KIF13B: variants seen among roughly 807,000 people sequenced by gnomAD.
The protein encoded by KIF13B is kinesin-like protein KIF13B.
KIF13B carries 127 observed loss-of-function variants against 222.0 expected under a neutral mutation model. The observed-to-expected ratio is 0.57, with a 90% CI of 0.50 to 0.66. KIF13B has a LOEUF of 0.66. KIF13B is among the 30% of genes least tolerant of loss of function. KIF13B has a pLI of 0.00. For missense variants in KIF13B, 2,173 were observed against 2,379.0 expected, an observed-to-expected ratio of 0.91 and a Z score of 1.80; for synonymous variants, 976 against 919.0, an observed-to-expected ratio of 1.06 and a Z score of -1.12.
At chr8:29,175,333 A>G (rs1352838438) in intron 10 of KIF13B, among the ~76,000 whole-genome samples, 1 of 152,090 alleles carries the variant, frequency 6.6e-6, no homozygotes, top group Admixed American at 6.5e-5. Flanking sequence ...TGTTATCACC[A>G]TCTCTGTCAT....
At chr8:29,257,909 G>C (rs1221682712) in intron 1 of KIF13B, among the ~76,000 whole-genome samples, 1 of 152,212 alleles carries the variant, frequency 6.6e-6, no homozygotes, top group Non-Finnish European at 1.5e-5. Context: ...TTCTCAAAAT[G>C]CCTCTGGCCC....
intron 8 of KIF13B, among the ~76,000 whole-genome samples, chr8:29,179,110 T>C (rs1812603086): frequency 1.3e-5 from 2 of 148,538 alleles, no homozygotes; most frequent in Admixed American, 7.0e-5. Context: ...CAAAAGAACC[T>C]CTGCTAAATC....
chr8:29,246,588 T>G (rs1392436632), intron 1 of KIF13B, among the ~76,000 whole-genome samples: 1 of 152,108 alleles, frequency 6.6e-6, no homozygotes, highest in Admixed American at 6.5e-5. Flanking sequence ...ACTAGCTTTT[T>G]TATAAAAACC....
chr8:29,079,349 A>G (rs1586747480), intron 37 of KIF13B, among the ~76,000 whole-genome samples: 1 of 152,266 alleles, frequency 6.6e-6, no homozygotes, highest in Non-Finnish European at 1.5e-5. Flanking sequence ...ATCCGCAGAC[A>G]CTCACACATG....
chr8:29,073,503 T>C (rs2133474596), intron 38 of KIF13B, among the ~76,000 whole-genome samples: 1 of 152,324 alleles, frequency 6.6e-6, no homozygotes, highest in Non-Finnish European at 1.5e-5. Flanking sequence ...ATCATCTTTC[T>C]ATTCCTATTC....
At chr8:29,193,169 C>A (rs372481363) in intron 3 of KIF13B, among the ~76,000 whole-genome samples, 123 of 152,310 alleles carry the variant, frequency 8.1e-4, no homozygotes, top group African/African-American at 2.7e-3. Context: ...TGAAAGCAGA[C>A]CCCCAGCGGC....
intron 10 of KIF13B, among the ~76,000 whole-genome samples, chr8:29,172,051 A>G (rs1812266047): frequency 7.1e-6 from 1 of 141,284 alleles, no homozygotes; most frequent in South Asian, 2.3e-4. Context: ...AGTGAGCCCC[A>G]TGCCCAGCCA....
intron 12 of KIF13B, among the ~76,000 whole-genome samples, chr8:29,161,674 C>T (rs1045205707): frequency 6.7e-6 from 1 of 149,396 alleles, no homozygotes; most frequent in African/African-American, 2.5e-5. Context: ...CCAGCCTGGG[C>T]GACAGAGAAA....
intron 2 of KIF13B, among the ~76,000 whole-genome samples, chr8:29,224,763 TACG>T (rs1416742617): frequency 6.6e-6 from 1 of 152,108 alleles, no homozygotes; most frequent in South Asian, 2.1e-4. Flanking sequence ...CTGGAGTGTG[TACG>T]CGTAATTAGG....
chr8:29,191,282 T>A (rs1000864609), intron 3 of KIF13B, among the ~76,000 whole-genome samples: 1 of 152,226 alleles, frequency 6.6e-6, no homozygotes, highest in Non-Finnish European at 1.5e-5. Context: ...AAATGGCTAT[T>A]GCACACACAC....
At chr8:29,191,531 T>C (rs1813187541) in intron 3 of KIF13B, among the ~76,000 whole-genome samples, 1 of 152,204 alleles carries the variant, frequency 6.6e-6, no homozygotes, top group Admixed American at 6.5e-5. Context: ...TTTGAGGGTA[T>C]AGAAGACTTA....
intron 35 of KIF13B, among the ~76,000 whole-genome samples, chr8:29,102,368 A>T (rs1261655248): frequency 1.3e-5 from 2 of 152,230 alleles, no homozygotes; most frequent in Non-Finnish European, 2.9e-5. Context: ...AGTTACACAG[A>T]GGGAAGCTGG....
At chr8:29,078,613 C>A (rs1021021842) in intron 37 of KIF13B, among the ~76,000 whole-genome samples, 24 of 152,196 alleles carry the variant, frequency 1.6e-4, no homozygotes, top group Admixed American at 1.6e-3. Flanking sequence ...CCTTACAACA[C>A]ATCTGGTAAC....
intron 2 of KIF13B, among the ~76,000 whole-genome samples, chr8:29,202,417 A>G (rs1813735812): frequency 6.6e-6 from 1 of 152,120 alleles, no homozygotes; most frequent in Non-Finnish European, 1.5e-5. Context: ...TTCTGGGTTC[A>G]AGCGATTCTT....
At chr8:29,140,761 A>AAAG (rs1810783003) in intron 19 of KIF13B, 144 bp from the exon 20 acceptor site, 1 of 765,116 alleles carries the variant, frequency 1.3e-6, no homozygotes, top group Non-Finnish European at 2.0e-6. Context: ...AAACATTCTA[A>AAAG]AGTTTTTGCT....
chr8:29,105,319 C>A (rs950549773), intron 35 of KIF13B, among the ~76,000 whole-genome samples: 3 of 152,148 alleles, frequency 2.0e-5, no homozygotes, highest in Non-Finnish European at 4.4e-5. Flanking sequence ...AAGAACACAG[C>A]AACCTGGTTC....
At chr8:29,167,180 C>T (rs1214282815) in intron 11 of KIF13B, among the ~76,000 whole-genome samples, 193 bp downstream of exon 11, 1 of 152,186 alleles carries the variant, frequency 6.6e-6, no homozygotes, top group Non-Finnish European at 1.5e-5. Flanking sequence ...TTTTTAACAT[C>T]TGTAAAACCT....
chr8:29,223,794 T>A (rs1435185059), intron 2 of KIF13B, among the ~76,000 whole-genome samples: 1 of 151,528 alleles, frequency 6.6e-6, no homozygotes, highest in Non-Finnish European at 1.5e-5. Context: ...CGGGTTCAAG[T>A]GATTCTCCTG....
chr8:29,140,293 T>G (rs1215835618), intron 20 of KIF13B, 102 bp from the exon 21 acceptor site: 2 of 1,500,366 alleles, frequency 1.3e-6, no homozygotes, highest in Non-Finnish European at 1.8e-6. Flanking sequence ...AGGTTAATGG[T>G]GTATGGGAAT....
Sources: gnomAD v4.1 joint callset for allele counts (sites outside exome capture counted in the v4.1 genomes callset) on GRCh38, gnomAD v4.1.1 for gene constraint, MANE v1.5 for transcripts, NCBI Gene and HGNC (gene_info 2026-07-23, HGNC 2026-07-21) for gene names.